The following CSE1L variants were observed in gnomAD, a reference collection of about 807,000 sequenced individuals.
CSE1L encodes the protein chromosome segregation 1 like.
Under a neutral mutation model 120.4 loss-of-function variants are expected in CSE1L, and 24 were observed. That is an observed-to-expected ratio of 0.20 (90% CI 0.14 to 0.28). CSE1L has a LOEUF of 0.28. Ranked by LOEUF, CSE1L falls within the 10% of genes least tolerant of loss-of-function variation. CSE1L has a pLI of 1.00. For synonymous variants in CSE1L, 402 were observed against 398.3 expected, an observed-to-expected ratio of 1.01 and a Z score of -0.11; for missense variants, 830 against 1,145.2, an observed-to-expected ratio of 0.72 and a Z score of 3.97.
chr20:49,067,353 A>G (rs1406206490), intron 6 of CSE1L, 73 bp downstream of exon 6: 164 of 1,004,296 alleles, frequency 1.6e-4, no homozygotes, highest in South Asian at 3.2e-4. Flanking sequence ...ACATGTTAAG[A>G]GAATGCTTTG....
intron 5 of CSE1L, 88 bp from the exon 6 acceptor site, chr20:49,067,102 G>C: frequency 2.0e-6 from 1 of 501,894 alleles, no homozygotes; most frequent in Admixed American, 3.2e-5. Flanking sequence ...TCTATTCATA[G>C]ATGTCCAATC....
In CSE1L at chr20:49,084,110, G is replaced by A; in HGVS notation, c.1567G>A (p.Ala523Thr). Residue 523 changes from alanine (A) to threonine (T), a missense_variant, in exon 15 of 25, where the codon GCT becomes ACT. Physicochemically the swap from Ala to Thr is moderately conservative, Grantham distance 58 (BLOSUM62 0). Around this residue, in one of 4 missense-constraint regions of CSE1L, gnomAD observed 543 missense variants for 640.2 expected, o/e 0.85. Transcript: ENST00000262982. ...AAGTATTGTTGTTCATACTTACGCA[G>A]CTCATGCTCTTGAACGGCTCTTTAC... ...AESIVVHTYA[A>T]HALERLFTMR... The A allele has an allele frequency of 6.2e-6, 10 of 1,614,058 alleles. No individual in the cohort carries two copies. Among genetic ancestry groups the A allele is most frequent in the Non-Finnish European group, 8.5e-6 (10 of 1,179,978 alleles).
At chr20:49,080,545 C>T (rs886226274) in intron 14 of CSE1L, among the ~76,000 whole-genome samples, 1 of 152,080 alleles carries the variant, frequency 6.6e-6, no homozygotes, top group African/African-American at 2.4e-5. Context: ...GGAACGATCT[C>T]GGCTCACCGC....
At chr20:49,095,629 A>G (rs1195744007) in intron 24 of CSE1L, among the ~76,000 whole-genome samples, 3 of 151,966 alleles carry the variant, frequency 2.0e-5, no homozygotes, top group Non-Finnish European at 2.9e-5. Context: ...TTTTAATTGC[A>G]GCATACTCAG....
chr20:49,047,552 C>CTTTTTTTTT (rs1230411564), intron 1 of CSE1L, among the ~76,000 whole-genome samples: 1 of 89,800 alleles, frequency 1.1e-5, no homozygotes, highest in African/African-American at 4.6e-5. Context: ...TTTTCTTTTT[C>CTTTTTTTTT]TTTTCTCTTT....
chr20:49,069,133 C>T (rs2091914398), intron 7 of CSE1L, among the ~76,000 whole-genome samples: 1 of 152,020 alleles, frequency 6.6e-6, no homozygotes, highest in Admixed American at 6.6e-5. Context: ...CTGAGGCCTT[C>T]CTCTTTCGTT....
intron 1 of CSE1L, among the ~76,000 whole-genome samples, chr20:49,047,919 C>T (rs2091732923): frequency 6.6e-6 from 1 of 152,106 alleles, no homozygotes; most frequent in East Asian, 1.9e-4. Flanking sequence ...TTCTCAACTG[C>T]TAGAATGTAA....
intron 18 of CSE1L, 65 bp from the exon 19 acceptor site, chr20:49,089,473 T>C (rs1020868750): frequency 6.9e-6 from 11 of 1,595,668 alleles, no homozygotes; most frequent in Admixed American, 1.7e-5. Context: ...ACCTAAGCGA[T>C]GTGGGCCTTT....
intron 3 of CSE1L, 58 bp downstream of exon 3, chr20:49,063,402 G>A: frequency 8.6e-7 from 1 of 1,166,702 alleles, no homozygotes; most frequent in Non-Finnish European, 1.2e-6. Flanking sequence ...GTTTATATAA[G>A]CAGTGTTCTT....
chr20:49,094,823 A>G lies in CSE1L; in HGVS notation c.2686A>G (p.Thr896Ala). 1 of 1,614,100 alleles carries G rather than the reference A, an allele frequency of 6.2e-7. No homozygotes were observed. The highest frequency in any genetic ancestry group is 8.5e-7 in the Non-Finnish European group (1 of 1,179,956). Residue 896 changes from threonine (T) to alanine (A), a missense_variant, in exon 24 of 25, where the codon ACA (threonine) becomes GCA (alanine). Thr to Ala is a moderately conservative substitution (Grantham distance 58). This residue lies in a region of CSE1L where 112 missense variants were observed against 200.0 expected (regional missense o/e 0.56). Transcript: ENST00000262982. The part of the protein sequence containing the change: ...DEEHFIDIED[T>A]PGYQTAFSQL... ...GGAACATTTTATTGACATAGAAGAT[A>G]CACCAGGATATCAGACTGCCTTCTC...
At chr20:49,079,139 C>T (rs1195511707) in intron 14 of CSE1L, among the ~76,000 whole-genome samples, 2 of 151,610 alleles carry the variant, frequency 1.3e-5, no homozygotes, top group Non-Finnish European at 2.9e-5. Context: ...GTGATCTGTT[C>T]ACCTCGGCCT....
chr20:49,065,094 G>C (rs2091880532), intron 3 of CSE1L, among the ~76,000 whole-genome samples: 1 of 150,544 alleles, frequency 6.6e-6, no homozygotes, highest in South Asian at 2.1e-4. Context: ...GGGAGGTGAA[G>C]GCTGCAGTGA....
chr20:49,096,480 G>A lies in CSE1L; in HGVS notation c.*42G>A, dbSNP rs1274052657. Reference sequence around the variant, plus strand: ...GGGCTAAACCCAGATGGTTTCCTAGGAAATCACAGGCTTCTGAGCACAGCT... The same window carrying A: ...GGGCTAAACCCAGATGGTTTCCTAGAAAATCACAGGCTTCTGAGCACAGCT... On this transcript the variant is annotated 3_prime_UTR_variant, in exon 25 of 25. Transcript: ENST00000262982. 1 of 1,429,744 alleles carries A rather than the reference G, an allele frequency of 7.0e-7. No individual in the cohort carries two copies. Among genetic ancestry groups the A allele is most frequent in the Non-Finnish European group, 9.9e-7 (1 of 1,012,522 alleles). The allele number at this position is 1,429,744 out of a possible 1,614,324, so 88.6% of individuals were successfully genotyped here.
intron 17 of CSE1L, among the ~76,000 whole-genome samples, chr20:49,088,426 TA>T (rs1302100467): frequency 2.0e-5 from 3 of 152,200 alleles, no homozygotes; most frequent in African/African-American, 7.2e-5. Flanking sequence ...TAAATGGATA[TA>T]AAAGAGGCTG....
Position 49,075,408 on chromosome 20 carries a change from A to G in CSE1L, c.1223A>G (p.Tyr408Cys). The G allele has an allele frequency of 6.2e-7, 1 of 1,614,028 alleles. No homozygotes were observed. ...EGPVTGIFSG[Y>C]VNSMLQEYAK... ...CCTGTGACAGGAATCTTCTCTGGTT[A>G]TGTTAATTCCATGCTGCAGGAATAC... Residue 408 changes from tyrosine to cysteine, a missense_variant, in exon 12 of 25, where the codon TAT (tyrosine) becomes TGT (cysteine). Around this residue, in one of 4 missense-constraint regions of CSE1L, gnomAD observed 543 missense variants for 640.2 expected, o/e 0.85. Transcript: ENST00000262982.
intron 1 of CSE1L, among the ~76,000 whole-genome samples, chr20:49,048,280 T>G (rs192681415): frequency 6.6e-6 from 1 of 152,166 alleles, no homozygotes; most frequent in East Asian, 1.9e-4. Flanking sequence ...TTACTTCTGC[T>G]GGTTGGGGTC....
At chr20:49,083,314 G>T (rs1320142283) in intron 14 of CSE1L, among the ~76,000 whole-genome samples, 9 of 152,132 alleles carry the variant, frequency 5.9e-5, no homozygotes, top group Admixed American at 4.6e-4. Flanking sequence ...CCGCCACTGC[G>T]CCCGGCCTAA....
intron 1 of CSE1L, among the ~76,000 whole-genome samples, chr20:49,057,454 CTTT>C (rs535693108): frequency 7.1e-5 from 8 of 112,736 alleles, no homozygotes; most frequent in Admixed American, 9.3e-5. Flanking sequence ...GTTGTGGGGC[CTTT>C]TTTTTTTTTT....
intron 3 of CSE1L, among the ~76,000 whole-genome samples, chr20:49,065,820 C>T (rs1024500719): frequency 2.0e-5 from 3 of 152,090 alleles, no homozygotes; most frequent in Admixed American, 6.5e-5. Context: ...TCTCAAACTC[C>T]TGACCTCAGG....
Sources: allele counts gnomAD v4.1 joint callset (sites outside exome capture counted in the v4.1 genomes callset), GRCh38; gene constraint gnomAD v4.1.1; regional missense constraint gnomAD v4.1.1; transcripts MANE v1.5; gene names NCBI Gene and HGNC (gene_info 2026-07-23, HGNC 2026-07-21).